The following TTC6 variants were observed in gnomAD, a reference collection of about 807,000 sequenced individuals.
TTC6 encodes tetratricopeptide repeat domain 6.
TTC6 carries 172 observed loss-of-function variants against 210.4 expected under a neutral mutation model. The ratio of observed to expected loss-of-function variants is 0.82; its 90% CI spans 0.72 to 0.93. TTC6 has a LOEUF of 0.93. Among genes scored for constraint, TTC6 ranks in the 40% least tolerant of loss-of-function variants. The pLI is 0.00. For missense variants in TTC6, 2,414 were observed against 2,318.1 expected (o/e 1.04, Z -0.85); for synonymous variants, 804 against 819.6 (o/e 0.98, Z 0.32).
intron 5 of TTC6, among the ~76,000 whole-genome samples, chr14:37,707,145 A>G (rs1332955129): frequency 6.6e-6 from 1 of 151,908 alleles, no homozygotes; most frequent in African/African-American, 2.4e-5. Context: ...ATTTATTTGC[A>G]TGTAATATTT....
chr14:37,817,007 G>C (rs1453148240), intron 25 of TTC6, among the ~76,000 whole-genome samples: 3 of 152,076 alleles, frequency 2.0e-5, no homozygotes, highest in Admixed American at 2.0e-4. Flanking sequence ...CTGGGGATTA[G>C]AGTTTCCATT....
chr14:37,624,131 C>T (rs1448787691), intron 1 of TTC6, among the ~76,000 whole-genome samples: 1 of 152,082 alleles, frequency 6.6e-6, no homozygotes, highest in Admixed American at 6.5e-5. Context: ...TAAAGGGAAG[C>T]AAAAACAGGT....
intron 14 of TTC6, among the ~76,000 whole-genome samples, chr14:37,766,050 G>C (rs1480322462): frequency 6.6e-6 from 1 of 152,000 alleles, no homozygotes; most frequent in Non-Finnish European, 1.5e-5. Flanking sequence ...AACTCTTTGA[G>C]TTCATCCTGA....
At chr14:37,630,450 T>A (rs999879340) in intron 1 of TTC6, among the ~76,000 whole-genome samples, 9 of 152,206 alleles carry the variant, frequency 5.9e-5, no homozygotes, top group Non-Finnish European at 1.3e-4. Flanking sequence ...AGAGACTCTT[T>A]GTTATTATTT....
chr14:37,811,581 C>T lies in TTC6; in HGVS notation c.4570-733C>T, dbSNP rs559676141. 2.0e-5 allele frequency among the ~76,000 whole-genome samples: 3 copies of T among 152,226 alleles called. No homozygotes were observed. In the East Asian group the frequency reaches 5.8e-4, roughly 29 times the overall value. On this transcript the variant is annotated intron_variant, in intron 24 of 30. Transcript: ENST00000553443. The stretch of plus-strand genomic sequence containing the variant: ...GAAAATGATTTAAGAGATTCAGCTC[C>T]AACCCAAGTTTAGGATGCTTCTAGT...
At chr14:37,622,488 G>C (rs528789891) in exon 1 of TTC6, 11 of 1,535,120 alleles carry the variant, frequency 7.2e-6, no homozygotes, top group Non-Finnish European at 9.6e-6. Context: ...CATCGCCTCG[G>C]GGTTCGGCAC....
At chr14:37,618,125 A>C (rs2095645646), upstream of TTC6, among the ~76,000 whole-genome samples, 1 of 152,244 alleles carries the variant, frequency 6.6e-6, no homozygotes, top group South Asian at 2.1e-4. Context: ...AGTCTAGAGC[A>C]AAGTTTTGGA....
chr14:37,596,643 G>A (rs185999655), intron 1 of TTC6, among the ~76,000 whole-genome samples: 116 of 152,366 alleles, frequency 7.6e-4, no homozygotes, highest in African/African-American at 2.7e-3. Flanking sequence ...CTGAGCATGT[G>A]TGACTGTGTG....
Position 37,637,589 on chromosome 14 carries a change from C to T in TTC6, c.939+14586C>T, listed in dbSNP as rs539578435. Among the ~76,000 whole-genome samples the T allele has an allele frequency of 2.0e-5, 3 of 152,122 alleles. No individual in the cohort carries two copies. In the East Asian group the frequency reaches 5.8e-4, roughly 29 times the overall value. On this transcript the variant is annotated intron_variant, in intron 1 of 30. Transcript: ENST00000553443. The stretch of plus-strand genomic sequence containing the variant: ...GTTTCAGGTTACAGTGAGCTATGAT[C>T]GTGCCACTGCACTCCTACCTGGGTG...
At chr14:37,615,923 G>A (rs1008096877) in intron 2 of TTC6, among the ~76,000 whole-genome samples, 1 of 152,202 alleles carries the variant, frequency 6.6e-6, no homozygotes, top group African/African-American at 2.4e-5. Flanking sequence ...ATTTTCCCAA[G>A]GCTTTTCATG....
rs141713360 is a variant in TTC6 at position 37,832,928 on chromosome 14, C to A, written c.5298+5562C>A. On this transcript the variant is annotated intron_variant, in intron 29 of 30. Coordinates refer to ENST00000553443, the Ensembl canonical transcript of TTC6. ...CAAAAATTAGCTGTGTGTGGTGGTGCATACCTGTAGTCCCAGCTACTCAGG... is the reference window on the plus strand; with the variant it reads ...CAAAAATTAGCTGTGTGTGGTGGTGAATACCTGTAGTCCCAGCTACTCAGG... 9.5e-4 allele frequency among the ~76,000 whole-genome samples: 144 copies of A among 151,904 alleles called. 1 individual carries two copies. In the East Asian group the frequency reaches 0.026, roughly 28 times the overall value.
intron 1 of TTC6, among the ~76,000 whole-genome samples, chr14:37,602,183 G>A (rs933295000): frequency 6.6e-6 from 1 of 152,226 alleles, no homozygotes; most frequent in Non-Finnish European, 1.5e-5. Flanking sequence ...GATCTTCCTC[G>A]GTACCGGCCT....
chr14:37,628,379 A>G (rs865831080), intron 1 of TTC6, among the ~76,000 whole-genome samples: 5 of 152,238 alleles, frequency 3.3e-5, no homozygotes, highest in Middle Eastern at 3.4e-3. Flanking sequence ...AGCTTTTTTC[A>G]TATGTTTGTT....
intron 1 of TTC6, among the ~76,000 whole-genome samples, chr14:37,654,919 A>G (rs2095719174): frequency 1.3e-5 from 2 of 152,258 alleles, no homozygotes; most frequent in South Asian, 4.1e-4. Context: ...TTCCTAATCT[A>G]TTTATGTTTA....
intron 21 of TTC6, among the ~76,000 whole-genome samples, chr14:37,805,887 A>C (rs1408637500): frequency 6.6e-6 from 1 of 152,080 alleles, no homozygotes; most frequent in Non-Finnish European, 1.5e-5. Flanking sequence ...TTTTTAGTAG[A>C]GATGGAGTTT....
chr14:37,733,526 A>G lies in TTC6; in HGVS notation c.1819-2395A>G, dbSNP rs2095893553. 2.0e-5 allele frequency among the ~76,000 whole-genome samples: 3 copies of G among 152,206 alleles called. No homozygotes were observed. In the South Asian group the frequency reaches 6.2e-4, roughly 31 times the overall value. ...AATATATTGGCAGATGTTTTAACAG[A>G]GTAATGATGTTCCATTATTTTCTGG... On this transcript the variant is annotated intron_variant, in intron 7 of 30. Transcript: ENST00000553443.
intron 5 of TTC6, among the ~76,000 whole-genome samples, chr14:37,707,793 T>A (rs1358464807): frequency 6.6e-6 from 1 of 152,098 alleles, no homozygotes; most frequent in Non-Finnish European, 1.5e-5. Context: ...GACAAGTTAT[T>A]TCTGGCTACC....
exon 1 of TTC6, chr14:37,622,954 A>G (rs150824784): frequency 2.8e-5 from 43 of 1,526,504 alleles, no homozygotes; most frequent in Non-Finnish European, 3.8e-5. Flanking sequence ...CAGACCATCA[A>G]AGAGCTCATA....
At chr14:37,671,546 G>C (rs1388256718) in intron 1 of TTC6, among the ~76,000 whole-genome samples, 1 of 152,190 alleles carries the variant, frequency 6.6e-6, no homozygotes, top group East Asian at 1.9e-4. Context: ...GTTAATATTA[G>C]TTAACATTTT....
Sources: gnomAD v4.1 joint callset for allele counts (sites outside exome capture counted in the v4.1 genomes callset) on GRCh38, gnomAD v4.1.1 for gene constraint, MANE v1.5 for transcripts, NCBI Gene and HGNC (gene_info 2026-07-23, HGNC 2026-07-21) for gene names.